The following TMEM132D variants were observed in gnomAD, a reference collection of about 807,000 sequenced individuals.
TMEM132D encodes mature OL transmembrane protein.
A neutral mutation model predicts 62.3 loss-of-function variants in TMEM132D; 21 were observed. The observed-to-expected ratio is 0.34, with a 90% confidence interval of 0.24 to 0.49. The LOEUF (loss-of-function observed/expected upper bound fraction) is 0.49, where lower values mean the gene tolerates loss of function less well. Ranked by LOEUF, TMEM132D falls within the 20% of genes least tolerant of loss-of-function variation. The pLI, the probability that TMEM132D is intolerant of heterozygous loss-of-function variation, is 0.99. For synonymous variants in TMEM132D, 621 were observed against 575.6 expected, an observed-to-expected ratio of 1.08 and a Z score of -1.13; for missense variants, 1,346 against 1,402.8, an observed-to-expected ratio of 0.96 and a Z score of 0.65.
rs566931102 is a variant in TMEM132D, at chr12:129,251,799, A to C, written c.1300-42136T>G. Among the ~76,000 whole-genome samples, 14 of 152,264 alleles carry C rather than the reference A, an allele frequency of 9.2e-5. No homozygotes were observed. In the South Asian group the frequency reaches 2.7e-3, roughly 29 times the overall value. ...ATTTCAGGACCAGGGCCTTTCAGAG[A>C]GCAAGTGAGTCTACTCCATGTTCTT... On this transcript the variant is annotated intron_variant, in intron 4 of 8. Transcript: ENST00000422113.
At chr12:129,738,805 T>C (rs1021650439) in intron 1 of TMEM132D, among the ~76,000 whole-genome samples, 5 of 152,164 alleles carry the variant, frequency 3.3e-5, no homozygotes, top group African/African-American at 9.7e-5. Context: ...GTCAATGCCA[T>C]CTTAATAGTA....
chr12:129,898,066 T>C (rs1875207562), intron 1 of TMEM132D, among the ~76,000 whole-genome samples: 1 of 152,204 alleles, frequency 6.6e-6, no homozygotes, highest in Non-Finnish European at 1.5e-5. Context: ...ATTGAGTTTA[T>C]CTGCAAATTC....
At chr12:129,771,946 A>G (rs528797638) in intron 1 of TMEM132D, among the ~76,000 whole-genome samples, 3 of 152,350 alleles carry the variant, frequency 2.0e-5, no homozygotes, top group Admixed American at 1.3e-4. Context: ...AGTCACAATA[A>G]AGCTTAAATA....
chr12:129,162,944 G>T (rs773812374), intron 5 of TMEM132D, among the ~76,000 whole-genome samples: 4 of 152,198 alleles, frequency 2.6e-5, no homozygotes, highest in Non-Finnish European at 5.9e-5. Context: ...CATCCCCCCA[G>T]CATCAGCCAA....
chr12:129,322,315 A>C (rs1448341048), intron 4 of TMEM132D, among the ~76,000 whole-genome samples: 1 of 151,990 alleles, frequency 6.6e-6, no homozygotes, highest in Non-Finnish European at 1.5e-5. Context: ...CCAGACATCC[A>C]TGTTACTCAT....
At chr12:129,899,599 A>G (rs1875284266) in intron 1 of TMEM132D, among the ~76,000 whole-genome samples, 1 of 152,196 alleles carries the variant, frequency 6.6e-6, no homozygotes, top group Admixed American at 6.5e-5. Context: ...AAAAATTGAT[A>G]GATAAATTCT....
intron 3 of TMEM132D, among the ~76,000 whole-genome samples, chr12:129,431,997 C>A (rs1004798597): frequency 2.0e-5 from 3 of 152,242 alleles, no homozygotes; most frequent in African/African-American, 7.2e-5. Flanking sequence ...TCAGAGAGAA[C>A]TTCCCCTATC....
At chr12:129,748,930 T>C (rs951831525) in intron 1 of TMEM132D, among the ~76,000 whole-genome samples, 4 of 152,252 alleles carry the variant, frequency 2.6e-5, no homozygotes, top group South Asian at 2.1e-4. Flanking sequence ...TGAGGACATC[T>C]GCCTGGACCA....
chr12:129,179,649 G>A (rs1048824451), intron 5 of TMEM132D, among the ~76,000 whole-genome samples: 4 of 152,162 alleles, frequency 2.6e-5, no homozygotes, highest in African/African-American at 9.7e-5. Flanking sequence ...TGCTCACAGA[G>A]AAACTTGGTT....
intron 1 of TMEM132D, among the ~76,000 whole-genome samples, chr12:129,893,339 G>A (rs540575685): frequency 3.3e-5 from 5 of 152,204 alleles, no homozygotes; most frequent in South Asian, 2.1e-4. Context: ...ATGAGCATTC[G>A]ATCAATGATA....
intron 3 of TMEM132D, among the ~76,000 whole-genome samples, chr12:129,490,136 T>C (rs949855856): frequency 6.6e-6 from 1 of 152,194 alleles, no homozygotes; most frequent in Non-Finnish European, 1.5e-5. Flanking sequence ...GCTACTATAG[T>C]TCATTTAGTC....
intron 4 of TMEM132D, among the ~76,000 whole-genome samples, chr12:129,246,379 A>C (rs949046256): frequency 4.6e-5 from 7 of 152,302 alleles, no homozygotes; most frequent in African/African-American, 1.4e-4. Context: ...GCTTTTACAC[A>C]TAAGAGGCCA....
intron 2 of TMEM132D, among the ~76,000 whole-genome samples, chr12:129,574,291 G>T (rs1470589995): frequency 6.6e-6 from 1 of 151,896 alleles, no homozygotes; most frequent in African/African-American, 2.4e-5. Context: ...ATGGGTATAT[G>T]GGTGTTAAGT....
At chr12:129,833,010 C>T (rs888864454) in intron 1 of TMEM132D, among the ~76,000 whole-genome samples, 1 of 152,224 alleles carries the variant, frequency 6.6e-6, no homozygotes, top group African/African-American at 2.4e-5. Flanking sequence ...ACGGGTTCTT[C>T]ACACTGATGC....
intron 3 of TMEM132D, among the ~76,000 whole-genome samples, chr12:129,379,735 C>T (rs1414614303): frequency 6.6e-6 from 1 of 152,144 alleles, no homozygotes; most frequent in Admixed American, 6.5e-5. Flanking sequence ...ACTCACATCT[C>T]CTGTTAATAC....
intron 2 of TMEM132D, among the ~76,000 whole-genome samples, chr12:129,615,157 T>C (rs1878880036): frequency 6.6e-6 from 1 of 152,136 alleles, no homozygotes; most frequent in African/African-American, 2.4e-5. Flanking sequence ...AAATTTGGAT[T>C]CTGTCTGGAA....
At chr12:129,273,231 C>A (rs919276130) in intron 4 of TMEM132D, among the ~76,000 whole-genome samples, 1 of 151,388 alleles carries the variant, frequency 6.6e-6, no homozygotes, top group African/African-American at 2.4e-5. Context: ...AAAAAACAAG[C>A]AAAAGAATAA....
intron 2 of TMEM132D, among the ~76,000 whole-genome samples, chr12:129,596,927 C>T (rs1475348154): frequency 6.6e-6 from 1 of 152,128 alleles, no homozygotes; most frequent in Non-Finnish European, 1.5e-5. Flanking sequence ...AAAATCCTAC[C>T]TTTAAGGCAT....
At chr12:129,850,456 G>T (rs562256761) in intron 1 of TMEM132D, among the ~76,000 whole-genome samples, 12 of 152,262 alleles carry the variant, frequency 7.9e-5, no homozygotes, top group African/African-American at 2.9e-4. Flanking sequence ...AGGGGATGTG[G>T]GTGGGGCAAA....
Sources: allele counts gnomAD v4.1 joint callset (sites outside exome capture counted in the v4.1 genomes callset), GRCh38; gene constraint gnomAD v4.1.1; transcripts MANE v1.5; gene names NCBI Gene and HGNC (gene_info 2026-07-23, HGNC 2026-07-21).